Variants in NTM observed in about 807,000 individuals in gnomAD.
NTM encodes the protein neurotrimin.
NTM carries 13 observed loss-of-function variants against 42.1 expected under a neutral mutation model. The observed-to-expected ratio is 0.31, with a 90% CI of 0.20 to 0.49. The LOEUF (loss-of-function observed/expected upper bound fraction) is 0.49, where lower values mean the gene tolerates loss of function less well. Among genes scored for constraint, NTM ranks in the 20% least tolerant of loss-of-function variants. The probability of loss-of-function intolerance (pLI) is 0.99; values close to 1 mark genes in which losing one functional copy is unlikely to be tolerated. For synonymous variants in NTM, 187 were observed against 179.2 expected, an observed-to-expected ratio of 1.04 and a Z score of -0.35; for missense variants, 373 against 452.8, an observed-to-expected ratio of 0.82 and a Z score of 1.60.
intron 1 of NTM, among the ~76,000 whole-genome samples, chr11:131,908,817 T>C (rs2054250229): frequency 6.6e-6 from 1 of 152,240 alleles, no homozygotes; most frequent in African/African-American, 2.4e-5. Flanking sequence ...CACAATAGAA[T>C]CTTCCAAGAA....
At chr11:132,110,207 G>A (rs1341271434) in intron 2 of NTM, among the ~76,000 whole-genome samples, 2 of 152,218 alleles carry the variant, frequency 1.3e-5, no homozygotes, top group Admixed American at 1.3e-4. Context: ...CTATACCCCA[G>A]TGGCTAGAAC....
chr11:131,974,026 A>G (rs2063946471), intron 2 of NTM, among the ~76,000 whole-genome samples: 1 of 151,996 alleles, frequency 6.6e-6, no homozygotes, highest in Non-Finnish European at 1.5e-5. Flanking sequence ...CTTCATGAGT[A>G]GTACATATAT....
intron 2 of NTM, among the ~76,000 whole-genome samples, chr11:131,916,460 T>C (rs1469955407): frequency 3.9e-5 from 6 of 152,188 alleles, no homozygotes; most frequent in African/African-American, 1.4e-4. Context: ...TTGGATGATG[T>C]TGTTTTTCCC....
chr11:131,468,116 T>C (rs1952068885), intron 1 of NTM, among the ~76,000 whole-genome samples: 1 of 152,228 alleles, frequency 6.6e-6, no homozygotes, highest in Non-Finnish European at 1.5e-5. Flanking sequence ...GCTTCCACAC[T>C]GCAGAGCCCC....
At chr11:131,940,127 A>C (rs2059639977) in intron 2 of NTM, among the ~76,000 whole-genome samples, 1 of 152,234 alleles carries the variant, frequency 6.6e-6, no homozygotes, top group Admixed American at 6.5e-5. Context: ...AGATGATCCC[A>C]GTATGGGATG....
chr11:131,591,034 C>G (rs2137283641), intron 1 of NTM, among the ~76,000 whole-genome samples: 1 of 152,274 alleles, frequency 6.6e-6, no homozygotes, highest in East Asian at 1.9e-4. Context: ...GCTGGATGAA[C>G]CAAATGAAAT....
intron 1 of NTM, chr11:131,538,451 G>A (rs2052623962): frequency 1.3e-5 from 2 of 152,202 alleles, no homozygotes. Context: ...ACCACGTGTA[G>A]GAGATCCTAC....
intron 1 of NTM, among the ~76,000 whole-genome samples, chr11:131,543,809 CA>C (rs1319979348): frequency 2.0e-5 from 3 of 152,210 alleles, no homozygotes; most frequent in Admixed American, 1.3e-4. Flanking sequence ...GCCGCTTATG[CA>C]GGATGGTTGT....
chr11:131,543,801 C>T (rs545799213), intron 1 of NTM, among the ~76,000 whole-genome samples: 36 of 152,312 alleles, frequency 2.4e-4, no homozygotes, highest in Admixed American at 1.2e-3. Context: ...CCAGTCTAGC[C>T]GCTTATGCAG....
At chr11:132,312,452 A>G (rs2136120589) in intron 6 of NTM, 1 of 152,662 alleles carries the variant, frequency 6.6e-6, no homozygotes, top group African/African-American at 2.4e-5. Flanking sequence ...GGCATTGACC[A>G]ATGAAAAGTC....
At chr11:132,141,221 T>TTC (rs1220053377) in intron 2 of NTM, among the ~76,000 whole-genome samples, 1 of 151,076 alleles carries the variant, frequency 6.6e-6, no homozygotes, top group South Asian at 2.1e-4. Flanking sequence ...CTCTCTCTCT[T>TTC]TCTCTCTCTC....
At chr11:131,880,698 T>C (rs2049326196) in intron 1 of NTM, among the ~76,000 whole-genome samples, 2 of 152,208 alleles carry the variant, frequency 1.3e-5, no homozygotes, top group Non-Finnish European at 2.9e-5. Flanking sequence ...ATACACACTC[T>C]CATTTGCCTC....
At chr11:132,070,613 A>G (rs1302907218) in intron 2 of NTM, among the ~76,000 whole-genome samples, 2 of 129,666 alleles carry the variant, frequency 1.5e-5, no homozygotes, top group Non-Finnish European at 3.4e-5. Context: ...AGGTTAGTTA[A>G]CACATCACAC....
At chr11:132,054,840 C>A (rs1481363642) in intron 2 of NTM, among the ~76,000 whole-genome samples, 1 of 152,166 alleles carries the variant, frequency 6.6e-6, no homozygotes, top group East Asian at 1.9e-4. Context: ...AATCTAGGCA[C>A]ATAATTCCCT....
chr11:131,780,541 C>T (rs1167849542), intron 1 of NTM, among the ~76,000 whole-genome samples: 2 of 152,056 alleles, frequency 1.3e-5, no homozygotes, highest in African/African-American at 4.8e-5. Context: ...ATTCAAATAC[C>T]AAGGACTTGC....
intron 1 of NTM, among the ~76,000 whole-genome samples, chr11:131,900,280 C>G (rs1000379144): frequency 6.6e-6 from 1 of 152,240 alleles, no homozygotes; most frequent in African/African-American, 2.4e-5. Flanking sequence ...AAAACAAAAT[C>G]TGACATGGCT....
chr11:131,518,408 T>A (rs79698816), intron 1 of NTM, among the ~76,000 whole-genome samples: 2,939 of 152,306 alleles, frequency 0.019, 93 homozygotes, highest in African/African-American at 0.066. Context: ...GTCCTTTTTT[T>A]AAGCTGAGTA....
intron 2 of NTM, among the ~76,000 whole-genome samples, chr11:132,042,909 ACT>A (rs2077395669): frequency 6.6e-6 from 1 of 152,100 alleles, no homozygotes; most frequent in South Asian, 2.1e-4. Context: ...GGTTTGTAGG[ACT>A]CTATCTGGTA....
At chr11:131,633,433 C>G (rs1445919970) in intron 1 of NTM, among the ~76,000 whole-genome samples, 1 of 152,120 alleles carries the variant, frequency 6.6e-6, no homozygotes, top group Admixed American at 6.5e-5. Flanking sequence ...TTAGAGTTTT[C>G]TATAAAGTTT....
Sources: gnomAD v4.1 joint callset for allele counts (sites outside exome capture counted in the v4.1 genomes callset) on GRCh38, gnomAD v4.1.1 for gene constraint, MANE v1.5 for transcripts, NCBI Gene and HGNC (gene_info 2026-07-23, HGNC 2026-07-21) for gene names.